The following ADGRL3 variants were observed in gnomAD, a reference collection of about 807,000 sequenced individuals.
ADGRL3 encodes adhesion G protein-coupled receptor L3, also known as calcium-independent alpha-latrotoxin receptor 3.
ADGRL3 carries 62 observed loss-of-function variants against 153.5 expected under a neutral mutation model. The ratio of observed to expected loss-of-function variants is 0.40; its 90% CI spans 0.33 to 0.50. The LOEUF (loss-of-function observed/expected upper bound fraction) is 0.50. Ranked by LOEUF, ADGRL3 falls within the 20% of genes least tolerant of loss-of-function variation. The pLI, the probability that ADGRL3 is intolerant of heterozygous loss-of-function variation, is 0.47. For missense variants in ADGRL3, 1,641 were observed against 1,859.4 expected, an observed-to-expected ratio of 0.88 and a Z score of 2.16; for synonymous variants, 710 against 672.5, an observed-to-expected ratio of 1.06 and a Z score of -0.86.
At chr4:62,046,795 C>G (rs1303159780) in intron 25 of ADGRL3, among the ~76,000 whole-genome samples, 1 of 151,862 alleles carries the variant, frequency 6.6e-6, no homozygotes, top group Non-Finnish European at 1.5e-5. Context: ...CTTAGTCCCC[C>G]TCAAGTCAGA....
At chr4:61,857,482 A>C (rs1216645493) in intron 9 of ADGRL3, among the ~76,000 whole-genome samples, 5 of 152,110 alleles carry the variant, frequency 3.3e-5, no homozygotes, top group South Asian at 2.1e-4. Flanking sequence ...AGTTTTCTCC[A>C]CTATGATGAA....
chr4:61,293,324 A>G (rs763540394), intron 1 of ADGRL3, among the ~76,000 whole-genome samples: 6 of 152,144 alleles, frequency 3.9e-5, no homozygotes, highest in Non-Finnish European at 8.8e-5. Context: ...TTCTGCATAA[A>G]ACATGATTTC....
chr4:61,952,203 T>C (rs932135696), intron 17 of ADGRL3, among the ~76,000 whole-genome samples: 1 of 152,014 alleles, frequency 6.6e-6, no homozygotes, highest in Non-Finnish European at 1.5e-5. Context: ...AGACCAGGCG[T>C]GGTGGCTTAC....
At chr4:62,033,312 G>C (rs1251345477) in intron 23 of ADGRL3, among the ~76,000 whole-genome samples, 3 of 151,784 alleles carry the variant, frequency 2.0e-5, no homozygotes, top group East Asian at 3.9e-4. Flanking sequence ...AACTGCAAGG[G>C]AGACAGAAAA....
At chr4:61,338,747 C>G (rs2095741168) in intron 1 of ADGRL3, among the ~76,000 whole-genome samples, 1 of 151,894 alleles carries the variant, frequency 6.6e-6, no homozygotes, top group South Asian at 2.1e-4. Flanking sequence ...CAATATATAC[C>G]AATATGTTTT....
intron 13 of ADGRL3, among the ~76,000 whole-genome samples, chr4:61,922,491 G>A (rs2098774375): frequency 6.6e-6 from 1 of 151,910 alleles, no homozygotes; most frequent in Non-Finnish European, 1.5e-5. Context: ...ATTAACTGAA[G>A]TCCACAGTTT....
intron 1 of ADGRL3, among the ~76,000 whole-genome samples, chr4:61,215,236 A>G (rs953067153): frequency 6.6e-6 from 1 of 152,190 alleles, no homozygotes; most frequent in African/African-American, 2.4e-5. Flanking sequence ...ACCAGAACAT[A>G]TTTATGGGAC....
intron 4 of ADGRL3, among the ~76,000 whole-genome samples, chr4:61,522,280 CAA>C (rs1210412348): frequency 2.0e-5 from 3 of 152,076 alleles, no homozygotes; most frequent in Non-Finnish European, 2.9e-5. Flanking sequence ...AAAATAATAA[CAA>C]AGAGTAATCT....
At chr4:62,026,770 G>T (rs1021990475) in intron 21 of ADGRL3, among the ~76,000 whole-genome samples, 2 of 151,806 alleles carry the variant, frequency 1.3e-5, no homozygotes, top group African/African-American at 4.8e-5. Context: ...TTGTGTATGG[G>T]ATTCACTCTA....
chr4:61,490,243 C>T (rs947473492), intron 2 of ADGRL3, among the ~76,000 whole-genome samples: 7 of 152,028 alleles, frequency 4.6e-5, no homozygotes, highest in East Asian at 3.9e-4. Context: ...GTTATCTCCT[C>T]GGTTTTTTTC....
intron 21 of ADGRL3, among the ~76,000 whole-genome samples, chr4:62,012,049 A>T (rs1226266427): frequency 6.6e-6 from 1 of 152,124 alleles, no homozygotes; most frequent in African/African-American, 2.4e-5. Flanking sequence ...GTGAAAATTG[A>T]CCAAAATTTG....
chr4:61,483,662 G>A (rs773161902), intron 2 of ADGRL3, among the ~76,000 whole-genome samples: 9 of 151,932 alleles, frequency 5.9e-5, no homozygotes, highest in African/African-American at 9.7e-5. Flanking sequence ...GCTTGAACTC[G>A]GGAAGGGGAG....
intron 8 of ADGRL3, among the ~76,000 whole-genome samples, chr4:61,762,140 A>T (rs1026006711): frequency 7.2e-5 from 11 of 152,172 alleles, no homozygotes; most frequent in Non-Finnish European, 1.5e-5. Context: ...ATGGTTAAAG[A>T]TCTGATAGGA....
chr4:61,488,279 A>G (rs983527182), intron 2 of ADGRL3, among the ~76,000 whole-genome samples: 1 of 152,030 alleles, frequency 6.6e-6, no homozygotes, highest in Non-Finnish European at 1.5e-5. Flanking sequence ...ACTTAGCATC[A>G]AGTTATGTAT....
chr4:61,244,150 G>C (rs1756122629), intron 1 of ADGRL3, among the ~76,000 whole-genome samples: 1 of 151,942 alleles, frequency 6.6e-6, no homozygotes, highest in Non-Finnish European at 1.5e-5. Flanking sequence ...AAGTTTATTA[G>C]CTGACTCCAG....
At chr4:62,048,416 C>T (rs903126839) in intron 25 of ADGRL3, among the ~76,000 whole-genome samples, 7 of 151,952 alleles carry the variant, frequency 4.6e-5, no homozygotes, top group Non-Finnish European at 1.5e-5. Context: ...ACACACACCA[C>T]CACACCCGGC....
chr4:61,879,256 A>C (rs2098494911), intron 9 of ADGRL3, among the ~76,000 whole-genome samples: 2 of 152,208 alleles, frequency 1.3e-5, no homozygotes, highest in Non-Finnish European at 2.9e-5. Context: ...TCCTCTGGGC[A>C]GATTTCCCTA....
chr4:62,004,931 A>G (rs1042662196), intron 21 of ADGRL3, among the ~76,000 whole-genome samples: 1 of 152,084 alleles, frequency 6.6e-6, no homozygotes, highest in Admixed American at 6.6e-5. Flanking sequence ...GTGTTTAAAC[A>G]TTACTAGAAA....
chr4:61,831,955 A>G (rs1052867035), intron 9 of ADGRL3, among the ~76,000 whole-genome samples: 1 of 152,108 alleles, frequency 6.6e-6, no homozygotes, highest in Non-Finnish European at 1.5e-5. Flanking sequence ...AGCTTCATAT[A>G]GAAGAGCCCT....
Sources: allele counts gnomAD v4.1 joint callset (sites outside exome capture counted in the v4.1 genomes callset), GRCh38; gene constraint gnomAD v4.1.1; transcripts MANE v1.5; gene names NCBI Gene and HGNC (gene_info 2026-07-23, HGNC 2026-07-21).